Variants in PPP2R5E observed in about 807,000 individuals in gnomAD.
The protein encoded by PPP2R5E is protein phosphatase 2 regulatory subunit B'epsilon, also known as serine/threonine-protein phosphatase 2A 56 kDa regulatory subunit epsilon isoform.
Under a neutral mutation model 65.3 loss-of-function variants are expected in PPP2R5E, and 4 were observed. That is an observed-to-expected ratio of 0.06 (90% CI 0.03 to 0.14). PPP2R5E has a LOEUF of 0.14. PPP2R5E is among the 10% of genes least tolerant of loss of function. The pLI is 1.00. For missense variants in PPP2R5E, 274 were observed against 556.1 expected (o/e 0.49, Z 5.10); for synonymous variants, 183 against 187.4 (o/e 0.98, Z 0.19).
intron 2 of PPP2R5E, among the ~76,000 whole-genome samples, chr14:63,463,286 C>T (rs1176941946): frequency 2.0e-5 from 3 of 150,962 alleles, no homozygotes; most frequent in Non-Finnish European, 4.4e-5. Flanking sequence ...ATTACAGGCA[C>T]GCACCACCAC....
Position 63,374,379 on chromosome 14 carries a change from C to A in PPP2R5E, c.*1630G>T, listed in dbSNP as rs1020138554. 3 of 151,904 alleles carry A rather than the reference C, an allele frequency of 2.0e-5. No homozygotes were observed. Among genetic ancestry groups the A allele is most frequent in the South Asian group, 2.1e-4 (1 of 4,816 alleles). 9.4% of individuals were successfully genotyped at this position (151,904 alleles called of 1,614,324 possible). On this transcript the variant is annotated 3_prime_UTR_variant, in exon 14 of 14. Transcript: ENST00000337537. ...CATATGTTCATGTTTGCTACTATCA[C>A]AATTCAACATATGAACACAGATCAG...
chr14:63,425,447 G>A (rs1456113424), intron 3 of PPP2R5E, among the ~76,000 whole-genome samples: 8 of 152,040 alleles, frequency 5.3e-5, no homozygotes, highest in South Asian at 2.1e-4. Flanking sequence ...TCATTTATAC[G>A]TACTACACTT....
chr14:63,393,577 T>C (rs145114446), intron 8 of PPP2R5E, among the ~76,000 whole-genome samples: 92 of 152,184 alleles, frequency 6.0e-4, no homozygotes, highest in African/African-American at 2.0e-3. Context: ...CTGGGCATGG[T>C]GGCGTGCGCT....
At chr14:63,537,502 G>A (rs1893715178) in intron 2 of PPP2R5E, among the ~76,000 whole-genome samples, 1 of 152,066 alleles carries the variant, frequency 6.6e-6, no homozygotes, top group Non-Finnish European at 1.5e-5. Context: ...CTGACTGGTA[G>A]ATATATCATC....
chr14:63,380,899 T>G (rs1487795026), intron 13 of PPP2R5E, among the ~76,000 whole-genome samples: 2 of 152,044 alleles, frequency 1.3e-5, no homozygotes, highest in African/African-American at 4.8e-5. Flanking sequence ...ATTGCTCTTT[T>G]TATCAATAAA....
At chr14:63,473,879 T>C (rs1056429526) in intron 2 of PPP2R5E, among the ~76,000 whole-genome samples, 4 of 151,914 alleles carry the variant, frequency 2.6e-5, no homozygotes, top group Non-Finnish European at 1.5e-5. Flanking sequence ...GAAAAGAAAA[T>C]AGTGAAAGGT....
intron 13 of PPP2R5E, 115 bp downstream of exon 13, chr14:63,381,941 G>A (rs1884390410): frequency 2.7e-6 from 2 of 749,624 alleles, no homozygotes; most frequent in Non-Finnish European, 4.3e-6. Context: ...ATGCATGACT[G>A]TAAACAAAAT....
chr14:63,522,898 G>A (rs1198958890), intron 2 of PPP2R5E, among the ~76,000 whole-genome samples: 1 of 147,756 alleles, frequency 6.8e-6, no homozygotes, highest in African/African-American at 2.5e-5. Flanking sequence ...CGCCCCGTCC[G>A]GGAGGGAGGT....
intron 2 of PPP2R5E, among the ~76,000 whole-genome samples, chr14:63,537,801 T>C (rs1893731078): frequency 6.6e-6 from 1 of 152,160 alleles, no homozygotes. Flanking sequence ...TCATATCCCC[T>C]TTCTCCCATT....
At chr14:63,534,618 GA>G in intron 2 of PPP2R5E, among the ~76,000 whole-genome samples, 1 of 151,900 alleles carries the variant, frequency 6.6e-6, no homozygotes, top group African/African-American at 2.4e-5. Context: ...TAGACTCAAA[GA>G]AAAAAATGTT....
rs200632539 is a variant in PPP2R5E, at chr14:63,430,491, AAAT to A, written c.355-8400_355-8398del. ...CCAAATTTTCTAACATAAAAATAAT[AAAT>A]AATAACATATATAACGTCAAGTTAC... On this transcript the variant is annotated intron_variant, in intron 3 of 13. Transcript: ENST00000337537. Among the ~76,000 whole-genome samples the A allele has an allele frequency of 8.0e-3, 1,212 of 152,208 alleles. 20 individuals are homozygous for A. Among genetic ancestry groups the A allele is most frequent in the African/African-American group, 0.027 (1,111 of 41,452 alleles).
intron 8 of PPP2R5E, among the ~76,000 whole-genome samples, chr14:63,392,612 T>C (rs752778184): frequency 2.0e-5 from 3 of 152,366 alleles, no homozygotes; most frequent in East Asian, 3.9e-4. Context: ...TGAAATATGA[T>C]ATCCCATTTC....
chr14:63,416,829 A>G (rs1886718276), intron 4 of PPP2R5E, among the ~76,000 whole-genome samples: 1 of 152,172 alleles, frequency 6.6e-6, no homozygotes, highest in African/African-American at 2.4e-5. Flanking sequence ...ATCTGCTTCT[A>G]TATCCAATCT....
At chr14:63,528,609 TAA>T (rs1893279350) in intron 2 of PPP2R5E, among the ~76,000 whole-genome samples, 1 of 152,126 alleles carries the variant, frequency 6.6e-6, no homozygotes, top group African/African-American at 2.4e-5. Flanking sequence ...CCTTTTAAAA[TAA>T]AAAGTTTTCA....
Position 63,461,771 on chromosome 14 carries a change from G to C in PPP2R5E, c.158-7886C>G, listed in dbSNP as rs150852054. ...AAGCGTGCTACTGTACTCCACCCTA[G>C]ATAATAGTGTGAGACCTTGTCTCAA... On this transcript the variant is annotated intron_variant, in intron 2 of 13. Coordinates refer to ENST00000337537, the MANE Select transcript of PPP2R5E (RefSeq NM_006246.5). Among the ~76,000 whole-genome samples the C allele has an allele frequency of 3.3e-3, 496 of 151,970 alleles. 5 individuals carry two copies. The highest frequency in any genetic ancestry group is 0.011 in the African/African-American group (475 of 41,380).
chr14:63,425,134 G>A (rs79455883), intron 3 of PPP2R5E, among the ~76,000 whole-genome samples: 1,815 of 152,276 alleles, frequency 0.012, 52 homozygotes, highest in East Asian at 0.096. Flanking sequence ...AGAAAAGGTA[G>A]ACCAACTTTC....
At chr14:63,542,355 G>C (rs1042487200) in intron 1 of PPP2R5E, among the ~76,000 whole-genome samples, 16 of 152,120 alleles carry the variant, frequency 1.1e-4, no homozygotes, top group Admixed American at 1.0e-3. Context: ...AATCCAAAGG[G>C]GGTAAGGGGA....
chr14:63,441,878 C>T (rs1346279354), intron 3 of PPP2R5E, among the ~76,000 whole-genome samples: 3 of 150,174 alleles, frequency 2.0e-5, no homozygotes, highest in Admixed American at 2.0e-4. Flanking sequence ...CCACTGCACT[C>T]CAGCCTGGGC....
chr14:63,373,826 CTA>C lies in PPP2R5E; in HGVS notation c.*2181_*2182del, dbSNP rs1566656265. ...AATTAATGGCAAACAAAAGTTTACACTATATAAACTAAATATAATGCAGAGTT... is the reference window on the plus strand; with the variant it reads ...AATTAATGGCAAACAAAAGTTTACACTATAAACTAAATATAATGCAGAGTT... On this transcript the variant is annotated 3_prime_UTR_variant, in exon 14 of 14. Coordinates refer to ENST00000337537, the MANE Select transcript of PPP2R5E (RefSeq NM_006246.5). 6.6e-6 allele frequency: 1 copy of C among 152,032 alleles called. No homozygotes were observed. The highest frequency in any genetic ancestry group is 1.5e-5 in the Non-Finnish European group (1 of 67,990). 9.4% of individuals were successfully genotyped at this position (152,032 alleles called of 1,614,324 possible).
Sources: gnomAD v4.1 joint callset for allele counts (sites outside exome capture counted in the v4.1 genomes callset) on GRCh38, gnomAD v4.1.1 for gene constraint, MANE v1.5 for transcripts, NCBI Gene and HGNC (gene_info 2026-07-23, HGNC 2026-07-21) for gene names.